The following TESK2 variants were observed in gnomAD, a reference collection of about 807,000 sequenced individuals.
The protein encoded by TESK2 is dual specificity testis-specific protein kinase 2.
In TESK2, 39 loss-of-function variants were observed where a neutral mutation model predicts 57.1. The ratio of observed to expected loss-of-function variants is 0.68; its 90% confidence interval spans 0.53 to 0.89. The LOEUF (loss-of-function observed/expected upper bound fraction) is 0.89. Ranked by LOEUF, TESK2 falls within the 40% of genes least tolerant of loss-of-function variation. The probability of loss-of-function intolerance (pLI) is 0.00; values close to 1 mark genes in which losing one functional copy is unlikely to be tolerated. For missense variants in TESK2, 646 were observed against 732.1 expected, an observed-to-expected ratio of 0.88 and a Z score of 1.36; for synonymous variants, 249 against 267.9, an observed-to-expected ratio of 0.93 and a Z score of 0.69.
chr1:45,362,984 G>A (rs1647753994), intron 4 of TESK2, among the ~76,000 whole-genome samples: 1 of 152,162 alleles, frequency 6.6e-6, no homozygotes, highest in Non-Finnish European at 1.5e-5. Context: ...GTCAGGAACT[G>A]AGGCTGGGAG....
intron 4 of TESK2, among the ~76,000 whole-genome samples, chr1:45,366,102 C>A (rs1220549466): frequency 1.3e-5 from 2 of 151,370 alleles, no homozygotes; most frequent in African/African-American, 4.9e-5. Flanking sequence ...AACCACCACA[C>A]TGGCCCTTAT....
Position 45,344,892 on chromosome 1 carries a change from G to A in TESK2, c.1664C>T (p.Thr555Ile). ...CAGGCCTATGCCTGAGGTGGAGAAGGTGGCTGGAGTTGAGCCTGCTGGCCT... is the reference window on the plus strand; with the variant it reads ...CAGGCCTATGCCTGAGGTGGAGAAGATGGCTGGAGTTGAGCCTGCTGGCCT... ...EERPAGSTPA[T>I]FSTSGIGLQT... is the part of the protein sequence containing the mutation. The change falls in exon 11 of 11, where the codon ACC becomes ATC. Residue 555 changes from threonine (T) to isoleucine (I), a missense_variant. Thr to Ile is a moderately conservative substitution (Grantham distance 89). Transcript: ENST00000372086. The A allele has an allele frequency of 1.9e-6, 3 of 1,613,880 alleles. No homozygotes were observed. Among genetic ancestry groups the A allele is most frequent in the Non-Finnish European group, 2.5e-6 (3 of 1,180,044 alleles).
chr1:45,375,518 G>C (rs1648367774), intron 4 of TESK2, among the ~76,000 whole-genome samples: 1 of 142,880 alleles, frequency 7.0e-6, no homozygotes. Context: ...GTTGAAAATT[G>C]TAAACCACCT....
Position 45,346,785 on chromosome 1 carries a change from G to C in TESK2, c.793-6C>G. 1 of 1,613,114 alleles carries C rather than the reference G, an allele frequency of 6.2e-7. No individual in the cohort carries two copies. Among genetic ancestry groups the C allele is most frequent in the Non-Finnish European group, 8.5e-7 (1 of 1,179,192 alleles). On this transcript the variant is annotated splice_region_variant and splice_polypyrimidine_tract_variant and intron_variant, in intron 8 of 10. Coordinates refer to ENST00000372086, the MANE Select transcript of TESK2 (RefSeq NM_007170.3). ...TCATAGTCCAGCCCGAAATTCTGTG[G>C]ATGGGTATGGAAAGCATAGGTAGAC... is the stretch of plus-strand genomic sequence containing the variant.
At chr1:45,476,274 G>C (rs571532939) in intron 1 of TESK2, among the ~76,000 whole-genome samples, 1 of 150,600 alleles carries the variant, frequency 6.6e-6, no homozygotes, top group South Asian at 2.1e-4. Context: ...TGGGAGGCCC[G>C]AGGCAGGTGG....
At chr1:45,432,286 C>T (rs548966280) in intron 2 of TESK2, among the ~76,000 whole-genome samples, 80 of 152,034 alleles carry the variant, frequency 5.3e-4, no homozygotes, top group Non-Finnish European at 1.1e-3. Flanking sequence ...CCTCCTGCCT[C>T]GGCCTTCCAA....
chr1:45,411,998 A>G (rs1334380649), intron 3 of TESK2, among the ~76,000 whole-genome samples: 1 of 152,206 alleles, frequency 6.6e-6, no homozygotes, highest in Non-Finnish European at 1.5e-5. Context: ...TTCTCATTAA[A>G]CAGAAGAAAT....
intron 1 of TESK2, among the ~76,000 whole-genome samples, chr1:45,482,470 G>T (rs1005568531): frequency 6.6e-6 from 1 of 152,076 alleles, no homozygotes; most frequent in African/African-American, 2.4e-5. Flanking sequence ...CGAGGCCATA[G>T]TGAGCTATGA....
chr1:45,417,459 C>A (rs921634904), intron 3 of TESK2, among the ~76,000 whole-genome samples: 3 of 151,886 alleles, frequency 2.0e-5, no homozygotes, highest in Admixed American at 2.0e-4. Context: ...CTCGAACTCC[C>A]GACTCAGGTG....
intron 2 of TESK2, among the ~76,000 whole-genome samples, chr1:45,428,262 C>A (rs940164515): frequency 8.5e-5 from 13 of 152,162 alleles, no homozygotes; most frequent in African/African-American, 3.1e-4. Flanking sequence ...GAAATTAAAT[C>A]TTTCTCAAGA....
intron 2 of TESK2, among the ~76,000 whole-genome samples, chr1:45,440,589 G>A (rs765915007): frequency 2.6e-5 from 4 of 151,862 alleles, no homozygotes; most frequent in Non-Finnish European, 5.9e-5. Context: ...GGTGGTGTGT[G>A]CTTGTATTCC....
chr1:45,432,832 C>A (rs567096363), intron 2 of TESK2, among the ~76,000 whole-genome samples: 7 of 123,610 alleles, frequency 5.7e-5, no homozygotes, highest in Non-Finnish European at 1.1e-4. Flanking sequence ...GGCATGATCT[C>A]GCCTCACTGC....
chr1:45,388,999 C>T (rs1649026500), intron 3 of TESK2, among the ~76,000 whole-genome samples: 1 of 152,062 alleles, frequency 6.6e-6, no homozygotes, highest in Non-Finnish European at 1.5e-5. Context: ...GGATTACAGG[C>T]GTGAGCCACC....
intron 3 of TESK2, among the ~76,000 whole-genome samples, chr1:45,395,185 G>A (rs1474968406): frequency 1.3e-5 from 2 of 152,094 alleles, no homozygotes; most frequent in African/African-American, 4.8e-5. Flanking sequence ...ACTTAACGAT[G>A]GGGATACATT....
chr1:45,345,197 C>T lies in TESK2; in HGVS notation c.1359G>A (p.Arg453=), dbSNP rs969735955. 3.1e-6 allele frequency: 5 copies of T among 1,614,060 alleles called. No homozygotes were observed. The highest frequency in any genetic ancestry group is 8.5e-7 in the Non-Finnish European group (1 of 1,180,046). The stretch of plus-strand genomic sequence containing the variant: ...CAGGCGAACCAGGCAAGGAACGCCA[C>T]CGGCGAATAGGTGGGGCCAGGGGCT... ...WQEPLAPPIR[R]WRSLPGSPEF... is the part of the protein sequence containing the mutation. Residue 453 remains arginine (R), a synonymous_variant, in exon 11 of 11, where the codon CGG becomes CGA. Transcript: ENST00000372086.
chr1:45,367,403 CTTTT>C (rs751005757), intron 4 of TESK2, among the ~76,000 whole-genome samples: 1 of 141,670 alleles, frequency 7.1e-6, no homozygotes, highest in South Asian at 2.2e-4. Context: ...CCTCGTTCTC[CTTTT>C]TTTTTTTTTT....
intron 2 of TESK2, among the ~76,000 whole-genome samples, chr1:45,448,929 G>C (rs1651757238): frequency 6.6e-6 from 1 of 152,144 alleles, no homozygotes; most frequent in Non-Finnish European, 1.5e-5. Flanking sequence ...ATTCCTGGTT[G>C]AAATGCAAAA....
chr1:45,399,140 ATTTT>A (rs753087306), intron 3 of TESK2, among the ~76,000 whole-genome samples: 1 of 99,720 alleles, frequency 1.0e-5, no homozygotes, highest in Admixed American at 1.1e-4. Context: ...AAAAGTTGAA[ATTTT>A]TTTTTTTTTT....
At chr1:45,353,031 T>A (rs1647278344) in intron 5 of TESK2, among the ~76,000 whole-genome samples, 1 of 152,148 alleles carries the variant, frequency 6.6e-6, no homozygotes, top group Admixed American at 6.6e-5. Flanking sequence ...CCCGAGTAGC[T>A]GGGATTACAG....
Sources: gnomAD v4.1 joint callset for allele counts (sites outside exome capture counted in the v4.1 genomes callset) on GRCh38, gnomAD v4.1.1 for gene constraint, MANE v1.5 for transcripts, NCBI Gene and HGNC (gene_info 2026-07-23, HGNC 2026-07-21) for gene names.